CDC42BPA: variants seen among roughly 807,000 people sequenced by gnomAD.
The protein encoded by CDC42BPA is CDC42 binding protein kinase alpha, also known as serine/threonine-protein kinase MRCK alpha.
In CDC42BPA, 80 loss-of-function variants were observed where a neutral mutation model predicts 223.5. The observed-to-expected ratio is 0.36, with a 90% CI of 0.30 to 0.43. The LOEUF is 0.43. Ranked by LOEUF, CDC42BPA falls within the 20% of genes least tolerant of loss-of-function variation. The pLI is 1.00. For missense variants in CDC42BPA, 1,743 were observed against 2,099.9 expected, an observed-to-expected ratio of 0.83 and a Z score of 3.32; for synonymous variants, 694 against 718.6, an observed-to-expected ratio of 0.97 and a Z score of 0.55.
intron 21 of CDC42BPA, 54 bp downstream of exon 21, chr1:227,069,722 TA>T: frequency 2.3e-6 from 3 of 1,280,108 alleles, no homozygotes; most frequent in Non-Finnish European, 3.4e-6. Flanking sequence ...AACTTTAAAT[TA>T]CAAAGTGAAT....
In CDC42BPA at chr1:227,196,192, A is replaced by C. The variant is rs140992195; in HGVS notation, c.451-2258T>G. 1.2e-3 allele frequency among the ~76,000 whole-genome samples: 185 copies of C among 152,226 alleles called. 1 individual carries two copies. The highest frequency in any genetic ancestry group is 3.9e-3 in the African/African-American group (163 of 41,542). On this transcript the variant is annotated intron_variant, in intron 4 of 36. Transcript: ENST00000366766. ...GTGTCCCAAAATGAGCATTTCAAGGAACAGATATAATTCTAGAAGTCTTCG... is the reference window on the plus strand; with the variant it reads ...GTGTCCCAAAATGAGCATTTCAAGGCACAGATATAATTCTAGAAGTCTTCG...
At chr1:227,025,634 A>G (rs974402104) in intron 31 of CDC42BPA, among the ~76,000 whole-genome samples, 1 of 152,152 alleles carries the variant, frequency 6.6e-6, no homozygotes, top group African/African-American at 2.4e-5. Context: ...GGACACTTAA[A>G]CAGTTTTGGT....
chr1:227,201,662 T>C (rs1572325881), intron 3 of CDC42BPA, among the ~76,000 whole-genome samples: 1 of 128,568 alleles, frequency 7.8e-6, no homozygotes, highest in Non-Finnish European at 1.7e-5. Flanking sequence ...TAAGCATGCA[T>C]GTGCACGTGC....
rs569056205 is a variant in CDC42BPA, at chr1:227,242,760, G to GA, written c.270+11303dup. On this transcript the variant is annotated intron_variant, in intron 2 of 36. Transcript: ENST00000366766. ...GAAACATGAACAAGACATCTACATT[G>GA]AAAAATATTCCTCAAAGAACAAAAA... Among the ~76,000 whole-genome samples the GA allele has an allele frequency of 9.9e-5, 15 of 152,122 alleles. No homozygotes were observed. The South Asian group carries it at 1.9e-3, about 19-fold the overall frequency.
chr1:227,049,119 G>T (rs192124515), intron 22 of CDC42BPA, among the ~76,000 whole-genome samples: 40 of 151,706 alleles, frequency 2.6e-4, no homozygotes, highest in Non-Finnish European at 4.7e-4. Context: ...CATTTGAAAA[G>T]ATACATATGA....
chr1:227,192,827 C>T (rs964670073), intron 5 of CDC42BPA, among the ~76,000 whole-genome samples: 8 of 151,978 alleles, frequency 5.3e-5, no homozygotes, highest in Admixed American at 1.3e-4. Flanking sequence ...TCTCTTTTGA[C>T]ACATACAATC....
intron 10 of CDC42BPA, among the ~76,000 whole-genome samples, chr1:227,133,247 G>A (rs78710142): frequency 0.71 from 98,252 of 139,230 alleles, 34,905 homozygotes; most frequent in South Asian, 0.86. Context: ...CAGCTGCCCC[G>A]TCTGGGAGGT....
intron 5 of CDC42BPA, among the ~76,000 whole-genome samples, chr1:227,165,601 A>G (rs1223894951): frequency 6.6e-6 from 1 of 152,214 alleles, no homozygotes; most frequent in East Asian, 1.9e-4. Context: ...ACCATTATCT[A>G]CCAAGAAGAT....
chr1:227,289,581 T>A (rs544261819), intron 1 of CDC42BPA, among the ~76,000 whole-genome samples: 2 of 152,178 alleles, frequency 1.3e-5, no homozygotes, highest in Non-Finnish European at 2.9e-5. Flanking sequence ...CCCCAAATTA[T>A]AATGTAAGCT....
intron 2 of CDC42BPA, among the ~76,000 whole-genome samples, chr1:227,232,350 GGTACCA>G (rs1678139873): frequency 6.6e-6 from 1 of 152,062 alleles, no homozygotes; most frequent in Non-Finnish European, 1.5e-5. Context: ...TCTCTGTTTT[GGTACCA>G]GTACCATGCT....
At chr1:227,080,222 TA>T (rs1416427032) in intron 17 of CDC42BPA, among the ~76,000 whole-genome samples, 1 of 151,630 alleles carries the variant, frequency 6.6e-6, no homozygotes. Context: ...TAAATAAATA[TA>T]AAAAGTTAAG....
chr1:227,078,981 G>C (rs180808758), intron 17 of CDC42BPA, among the ~76,000 whole-genome samples: 1 of 151,938 alleles, frequency 6.6e-6, no homozygotes, highest in Non-Finnish European at 1.5e-5. Flanking sequence ...AAATACTTCC[G>C]GTCCCAAGCA....
chr1:227,213,450 GCTGTATTAGTTGGTATTTTTGAACA>G (rs1674290889), intron 2 of CDC42BPA, among the ~76,000 whole-genome samples: 1 of 151,994 alleles, frequency 6.6e-6, no homozygotes, highest in Non-Finnish European at 1.5e-5. Context: ...ATTTGTGAAC[GCTGTATTAGTTGGTATTTTTGAACA>G]CTGTATTAGT....
chr1:227,285,016 A>C (rs1023431966), intron 1 of CDC42BPA, among the ~76,000 whole-genome samples: 1 of 151,866 alleles, frequency 6.6e-6, no homozygotes, highest in African/African-American at 2.4e-5. Context: ...TCTCTGGTAC[A>C]TACCTCTGGA....
At chr1:227,105,814 T>A (rs1378543911) in intron 14 of CDC42BPA, among the ~76,000 whole-genome samples, 1 of 152,210 alleles carries the variant, frequency 6.6e-6, no homozygotes, top group Non-Finnish European at 1.5e-5. Flanking sequence ...CTCCATTGTA[T>A]TTATATACCA....
rs1262313842 is a variant in CDC42BPA at position 227,236,614 on chromosome 1, ATTATGT to A, written c.270+17444_270+17449del. Among the ~76,000 whole-genome samples, 6 of 152,348 alleles carry A rather than the reference ATTATGT, an allele frequency of 3.9e-5. No homozygotes were observed. The East Asian group carries it at 7.7e-4, about 20-fold the overall frequency. On this transcript the variant is annotated intron_variant, in intron 2 of 36. Coordinates refer to ENST00000366766, the MANE Select transcript of CDC42BPA (RefSeq NM_001394014.1). ...ATACCTACATACAACTACAAAACAA[ATTATGT>A]TTATACAATGATAAAGTGAACAATA...
chr1:227,256,985 ACAC>A (rs1485783390), intron 1 of CDC42BPA, among the ~76,000 whole-genome samples: 1 of 146,702 alleles, frequency 6.8e-6, no homozygotes, highest in Non-Finnish European at 1.5e-5. Flanking sequence ...ACACACACAC[ACAC>A]ACCAGTATGT....
At chr1:227,276,646 T>C (rs550844680) in intron 1 of CDC42BPA, among the ~76,000 whole-genome samples, 28 of 152,220 alleles carry the variant, frequency 1.8e-4, no homozygotes, top group Non-Finnish European at 3.1e-4. Context: ...GGGGGAAATG[T>C]GGGGAAAGGA....
intron 11 of CDC42BPA, among the ~76,000 whole-genome samples, chr1:227,121,438 C>G (rs530953154): frequency 6.6e-6 from 1 of 152,252 alleles, no homozygotes; most frequent in East Asian, 1.9e-4. Flanking sequence ...TTGTATAGTT[C>G]TACATTCCAT....
Sources: allele counts gnomAD v4.1 joint callset (sites outside exome capture counted in the v4.1 genomes callset), GRCh38; gene constraint gnomAD v4.1.1; transcripts MANE v1.5; gene names NCBI Gene and HGNC (gene_info 2026-07-23, HGNC 2026-07-21).